Variants in OPCML observed in about 807,000 individuals in gnomAD.
OPCML encodes the protein opioid-binding protein/cell adhesion molecule.
OPCML carries 13 observed loss-of-function variants against 37.8 expected under a neutral mutation model. The observed-to-expected ratio is 0.34, with a 90% CI of 0.22 to 0.55. The LOEUF is 0.55. Ranked by LOEUF, OPCML falls within the 20% of genes least tolerant of loss-of-function variation. The pLI, the probability that OPCML is intolerant of heterozygous loss-of-function variation, is 0.91. For missense variants in OPCML, 341 were observed against 435.6 expected, an observed-to-expected ratio of 0.78 and a Z score of 1.93; for synonymous variants, 176 against 168.8, an observed-to-expected ratio of 1.04 and a Z score of -0.33.
intron 1 of OPCML, among the ~76,000 whole-genome samples, chr11:133,209,023 T>G (rs1032914386): frequency 6.6e-6 from 1 of 152,202 alleles, no homozygotes; most frequent in African/African-American, 2.4e-5. Flanking sequence ...TATTGTAAAT[T>G]TCACTCATCA....
At chr11:132,778,192 C>T (rs1946872958) in intron 2 of OPCML, among the ~76,000 whole-genome samples, 1 of 152,212 alleles carries the variant, frequency 6.6e-6, no homozygotes, top group South Asian at 2.1e-4. Context: ...ATAAGCTCGC[C>T]AAGTGTTCTC....
rs1028205100 is a variant in OPCML at position 132,943,764 on chromosome 11, G to T, written c.62-754C>A. The T allele has an allele frequency of 2.7e-5, 4 of 150,650 alleles. No homozygotes were observed. Among genetic ancestry groups the T allele is most frequent in the Non-Finnish European group, 5.9e-5 (4 of 67,590 alleles). The allele number at this position is 150,650 out of a possible 1,614,324, so 9.3% of individuals were successfully genotyped here. ...GCGGCCAGCCGGGGGAGCGCCGCCC[G>T]GCGCAGGCTCCGGGCGCACGGGGAG... is the stretch of plus-strand genomic sequence containing the variant. On this transcript the variant is annotated intron_variant, in intron 1 of 7. Coordinates refer to ENST00000524381, the MANE Select transcript of OPCML (RefSeq NM_001012393.5). This position sits in a 1 kb window ranked among gnomAD's most constrained non-coding sequence, Gnocchi z 4.3.
At chr11:133,492,158 C>G (rs961994110) in intron 1 of OPCML, among the ~76,000 whole-genome samples, 3 of 152,072 alleles carry the variant, frequency 2.0e-5, no homozygotes, top group Non-Finnish European at 4.4e-5. Context: ...GTAGCCTGGC[C>G]AAAGGTGTAG....
intron 3 of OPCML, among the ~76,000 whole-genome samples, chr11:132,594,668 G>C (rs992955895): frequency 6.6e-6 from 1 of 152,102 alleles, no homozygotes. Context: ...CAAAGGGATG[G>C]GCTGGTTTTA....
intron 2 of OPCML, among the ~76,000 whole-genome samples, chr11:132,731,087 C>T (rs1039882716): frequency 1.3e-5 from 2 of 152,154 alleles, no homozygotes; most frequent in Non-Finnish European, 2.9e-5. Context: ...CATCAACTGT[C>T]CTGTCCAGTG....
chr11:132,823,414 A>G (rs1415105798), intron 2 of OPCML, among the ~76,000 whole-genome samples: 1 of 152,070 alleles, frequency 6.6e-6, no homozygotes, highest in Non-Finnish European at 1.5e-5. Context: ...CTCAACCACT[A>G]TTGGTGGCTA....
intron 2 of OPCML, among the ~76,000 whole-genome samples, chr11:132,777,872 C>T (rs1407966772): frequency 1.3e-5 from 2 of 152,116 alleles, no homozygotes; most frequent in Non-Finnish European, 2.9e-5. Flanking sequence ...TCTTTCATTC[C>T]CACATAATGA....
chr11:133,257,121 A>G (rs368968986), intron 1 of OPCML, among the ~76,000 whole-genome samples: 1 of 152,226 alleles, frequency 6.6e-6, no homozygotes, highest in East Asian at 1.9e-4. Context: ...ACCTCGGTCC[A>G]CTCCAGAACA....
chr11:132,504,951 CAG>C (rs1340936579), intron 4 of OPCML, among the ~76,000 whole-genome samples: 1 of 152,046 alleles, frequency 6.6e-6, no homozygotes, highest in African/African-American at 2.4e-5. Flanking sequence ...AGCTTCAAAC[CAG>C]AGGAGTCAAT....
intron 1 of OPCML, among the ~76,000 whole-genome samples, chr11:133,437,382 G>A (rs913359287): frequency 2.0e-5 from 3 of 152,174 alleles, no homozygotes; most frequent in African/African-American, 7.2e-5. Context: ...GCTCTTCCTG[G>A]GGAGTCAAGA....
At chr11:133,202,933 A>G (rs1938863286) in intron 1 of OPCML, among the ~76,000 whole-genome samples, 1 of 152,202 alleles carries the variant, frequency 6.6e-6, no homozygotes, top group African/African-American at 2.4e-5. Flanking sequence ...ACCCATAATT[A>G]AAAGTAGCTG....
intron 3 of OPCML, among the ~76,000 whole-genome samples, chr11:132,593,129 G>A (rs1236328567): frequency 1.3e-5 from 2 of 152,204 alleles, no homozygotes; most frequent in Non-Finnish European, 2.9e-5. Context: ...CAGGGCAGGT[G>A]TGCAGGAAAA....
Position 132,436,257 on chromosome 11 carries a change from G to A in OPCML, c.765-20C>T, listed in dbSNP as rs2096012619. On this transcript the variant is annotated intron_variant, in intron 6 of 7. Coordinates refer to ENST00000524381, the MANE Select transcript of OPCML (RefSeq NM_001012393.5). ...GCTAACCTGCAAGAGGGAAGACATTGCTATCAATTCATTCTACAAAGAGGC... is the reference window on the plus strand; with the variant it reads ...GCTAACCTGCAAGAGGGAAGACATTACTATCAATTCATTCTACAAAGAGGC... The A allele has an allele frequency of 6.2e-7, 1 of 1,613,932 alleles. No homozygotes were observed.
intron 1 of OPCML, among the ~76,000 whole-genome samples, chr11:133,412,913 C>T (rs1232951308): frequency 6.6e-6 from 1 of 152,112 alleles, no homozygotes; most frequent in Non-Finnish European, 1.5e-5. Flanking sequence ...AAATATCTCC[C>T]TTAGATGCTT....
At chr11:132,510,554 G>T (rs2096266660) in intron 4 of OPCML, among the ~76,000 whole-genome samples, 1 of 147,108 alleles carries the variant, frequency 6.8e-6, no homozygotes, top group Non-Finnish European at 1.5e-5. Context: ...AGTCTTTCCT[G>T]TGCTATTATT....
At chr11:133,484,146 G>A (rs967079324) in intron 1 of OPCML, among the ~76,000 whole-genome samples, 1 of 125,338 alleles carries the variant, frequency 8.0e-6, no homozygotes, top group African/African-American at 3.4e-5. Context: ...GATGATAGAT[G>A]GATAGATAGA....
chr11:132,452,649 C>CT (rs2096071612), intron 4 of OPCML, among the ~76,000 whole-genome samples: 1 of 151,746 alleles, frequency 6.6e-6, no homozygotes, highest in South Asian at 2.1e-4. Context: ...TCTTCACCTC[C>CT]TTTTTTCATG....
At chr11:132,706,734 A>T (rs975349788) in intron 2 of OPCML, among the ~76,000 whole-genome samples, 1 of 152,168 alleles carries the variant, frequency 6.6e-6, no homozygotes, top group African/African-American at 2.4e-5. Context: ...CACTGAATGA[A>T]GTAAGTCAAT....
chr11:133,417,788 C>T (rs1309004743), intron 1 of OPCML, among the ~76,000 whole-genome samples: 1 of 151,724 alleles, frequency 6.6e-6, no homozygotes, highest in Non-Finnish European at 1.5e-5. Context: ...TTACTAAATT[C>T]TATGCCTTGT....
Sources: allele counts gnomAD v4.1 joint callset (sites outside exome capture counted in the v4.1 genomes callset), GRCh38; gene constraint gnomAD v4.1.1; non-coding constraint Gnocchi (gnomAD v3.1); transcripts MANE v1.5; gene names NCBI Gene and HGNC (gene_info 2026-07-23, HGNC 2026-07-21).